Variants in ATXN2L observed in about 807,000 individuals in gnomAD.
ATXN2L encodes the protein ataxin-2-like protein.
Under a neutral mutation model 120.7 loss-of-function variants are expected in ATXN2L, and 24 were observed. The ratio of observed to expected loss-of-function variants is 0.20; its 90% CI spans 0.14 to 0.28. The LOEUF (loss-of-function observed/expected upper bound fraction) is 0.28, where lower values mean the gene tolerates loss of function less well. ATXN2L is among the 10% of genes least tolerant of loss of function. ATXN2L has a pLI of 1.00. For missense variants in ATXN2L, 1,312 were observed against 1,432.3 expected (o/e 0.92, Z 1.36); for synonymous variants, 653 against 568.1 (o/e 1.15, Z -2.13).
chr16:28,826,308 C>T lies in ATXN2L; in HGVS notation c.534C>T (p.Asp178=). ...CAGCAGGTGGCCCTCGTCGGGAGGACATTGTGGACACCATGGTGTTTAAGC... is the reference window on the plus strand; with the variant it reads ...CAGCAGGTGGCCCTCGTCGGGAGGATATTGTGGACACCATGGTGTTTAAGC... ...SEPAGGPRRE[D]IVDTMVFKPS... The change falls in exon 5 of 22, where the codon GAC becomes GAT. Residue 178 remains aspartate (D), a synonymous_variant. Transcript: ENST00000336783. The T allele has an allele frequency of 6.2e-7, 1 of 1,614,208 alleles. No homozygotes were observed. The highest frequency in any genetic ancestry group is 8.5e-7 in the Non-Finnish European group (1 of 1,180,026).
chr16:28,826,920 G>A lies in ATXN2L; in HGVS notation c.675G>A (p.Glu225=). The A allele has an allele frequency of 6.3e-7, 1 of 1,598,564 alleles. No individual in the cohort carries two copies. ...MNSKVNGEHK[E]KVLQRWEGGD... ...CGAAAGTGAATGGGGAACACAAAGAGAAGGTGCTTCAGCGCTGGGAGGGGG... is the reference window on the plus strand; with the variant it reads ...CGAAAGTGAATGGGGAACACAAAGAAAAGGTGCTTCAGCGCTGGGAGGGGG... The change falls in exon 6 of 22, where the codon GAG becomes GAA. Residue 225 remains glutamate (E), a synonymous_variant. Coordinates refer to ENST00000336783, the MANE Select transcript of ATXN2L (RefSeq NM_007245.4).
At position 28,835,922 on chromosome 16, in the gene ATXN2L, G is replaced by T; in HGVS notation, c.2896-11G>T. The T allele has an allele frequency of 6.5e-7, 1 of 1,547,606 alleles. No individual in the cohort carries two copies. Among genetic ancestry groups the T allele is most frequent in the South Asian group, 1.2e-5 (1 of 80,614 alleles). On this transcript the variant is annotated splice_polypyrimidine_tract_variant and intron_variant, in intron 21 of 21. Transcript: ENST00000336783. ...CTGTGGTCTTCCCGGCTACTTTTTT[G>T]TTTTCCACAGGCCCATGTCCAAACT...
chr16:28,830,078 A>G lies in ATXN2L; in HGVS notation c.1034+20A>G, dbSNP rs754669759. The G allele has an allele frequency of 2.5e-6, 4 of 1,600,538 alleles. No individual in the cohort carries two copies. Among genetic ancestry groups the G allele is most frequent in the Non-Finnish European group, 3.4e-6 (4 of 1,170,804 alleles). The stretch of plus-strand genomic sequence containing the variant: ...ATCCAGGTGACTGTTGCAAACAGCC[A>G]GGACTACTTGGGGCTTCTGGGAATA... On this transcript the variant is annotated intron_variant, in intron 8 of 21. Coordinates refer to ENST00000336783, the MANE Select transcript of ATXN2L (RefSeq NM_007245.4).
At chr16:28,824,293 G>C in intron 1 of ATXN2L, 1 of 1,178,516 alleles carries the variant, frequency 8.5e-7, no homozygotes, top group Non-Finnish European at 1.1e-6. Flanking sequence ...CTGTGCGAGT[G>C]TGTGTGTGTT....
Position 28,823,346 on chromosome 16 carries a change from G to T in ATXN2L, c.87G>T (p.Gly29=). The T allele has an allele frequency of 7.2e-7, 1 of 1,380,078 alleles. No individual in the cohort carries two copies. 85.5% of individuals were successfully genotyped at this position (1,380,078 alleles called of 1,614,324 possible). Residue 29 remains glycine, a synonymous_variant, in exon 1 of 22, where the codon GGG becomes GGT. Transcript: ENST00000336783. The part of the protein sequence containing the change: ...TQQAVARRPP[G]GTSPPNGGLP... The stretch of plus-strand genomic sequence containing the variant: ...AGGCCGTGGCCCGTCGGCCCCCCGG[G>T]GGCACCAGCCCTCCCAACGGCGGCC...
At chr16:28,830,540 A>G in intron 8 of ATXN2L, 75 bp from the exon 9 acceptor site, 2 of 1,406,316 alleles carry the variant, frequency 1.4e-6, no homozygotes, top group South Asian at 1.4e-5. Context: ...GGGAGACTTT[A>G]GAAGAAGAAA....
At position 28,834,808 on chromosome 16, in the gene ATXN2L, C is replaced by A. The variant is rs558157493; in HGVS notation, c.2433+115C>A. ...CAGGCAGTGTTGTAGGTGGGATCGGCCCTCTGTGGTATTGGCGGTGTCAGA... is the reference window on the plus strand; with the variant it reads ...CAGGCAGTGTTGTAGGTGGGATCGGACCTCTGTGGTATTGGCGGTGTCAGA... On this transcript the variant is annotated intron_variant, in intron 18 of 21. Transcript: ENST00000336783. 12 of 1,312,840 alleles carry A rather than the reference C, an allele frequency of 9.1e-6. No homozygotes were observed. The South Asian group carries it at 1.7e-4, about 19-fold the overall frequency. 81.3% of individuals were successfully genotyped at this position (1,312,840 alleles called of 1,614,324 possible). A position where few individuals can be genotyped will look rare whatever the true frequency, so the allele number is the denominator to read the frequency against.
intron 21 of ATXN2L, 23 bp from the exon 22 acceptor site, chr16:28,835,910 G>A (rs773972309): frequency 1.4e-5 from 22 of 1,549,346 alleles, no homozygotes; most frequent in Admixed American, 9.6e-5. Context: ...TGGTCTTCCC[G>A]GCTACTTTTT....
intron 1 of ATXN2L, chr16:28,824,576 G>A: frequency 7.8e-7 from 1 of 1,278,724 alleles, no homozygotes; most frequent in Non-Finnish European, 1.0e-6. Context: ...ATGAGGTCGA[G>A]GGGATGGGGT....
chr16:28,825,370 C>G lies in ATXN2L; in HGVS notation c.304C>G (p.Gln102Glu). 1 of 1,613,852 alleles carries G rather than the reference C, an allele frequency of 6.2e-7. No individual in the cohort carries two copies. The highest frequency in any genetic ancestry group is 8.5e-7 in the Non-Finnish European group (1 of 1,179,894). Residue 102 changes from glutamine (Q) to glutamate (E), a missense_variant, in exon 2 of 22, where the codon CAG becomes GAG. Coordinates refer to ENST00000336783, the MANE Select transcript of ATXN2L (RefSeq NM_007245.4). The stretch of plus-strand genomic sequence containing the variant: ...ATTTCTTGTTTTCTTTTATAGGGGA[C>G]AGAGCACAGGAAAGGGACCCCCACA... ...GAAAIGSARG[Q>E]STGKGPPQSP...
rs1186033446 is a variant in ATXN2L at position 28,834,747 on chromosome 16, A to G, written c.2433+54A>G. The G allele has an allele frequency of 3.2e-6, 5 of 1,542,048 alleles. No homozygotes were observed. The African/African-American group carries it at 6.9e-5, about 21-fold the overall frequency. On this transcript the variant is annotated intron_variant, in intron 18 of 21. Coordinates refer to ENST00000336783, the MANE Select transcript of ATXN2L (RefSeq NM_007245.4). ...ATCCAGGGCCCCTGCTAGGGATCCC[A>G]TCTTCTCCAGAGACTTGGGAGCTGG...
chr16:28,835,639 C>T lies in ATXN2L; in HGVS notation c.2776C>T (p.Leu926=), dbSNP rs1960265540. 1.9e-6 allele frequency: 3 copies of T among 1,613,972 alleles called. No individual in the cohort carries two copies. Among genetic ancestry groups the T allele is most frequent in the African/African-American group, 2.7e-5 (2 of 74,902 alleles). The stretch of plus-strand genomic sequence containing the variant: ...GGCCCTGACAGGCACGCCGCCCTCT[C>T]TGCCACCGGGACCTTCTGCCCAGTC... ...PGALTGTPPS[L]PPGPSAQSPQ... Residue 926 remains leucine (L), a synonymous_variant, in exon 21 of 22, where the codon CTG becomes TTG. Coordinates refer to ENST00000336783, the MANE Select transcript of ATXN2L (RefSeq NM_007245.4).
In ATXN2L at chr16:28,825,748, CTT is replaced by C; in HGVS notation, c.394-21_394-20del. On this transcript the variant is annotated intron_variant, in intron 3 of 21. Coordinates refer to ENST00000336783, the MANE Select transcript of ATXN2L (RefSeq NM_007245.4). ...GCATCTACTTTCTGGAGACACTCTTCTTATTTTTCCCACTCTGCCAGGGCTCC... is the reference window on the plus strand; with the variant it reads ...GCATCTACTTTCTGGAGACACTCTTCATTTTTCCCACTCTGCCAGGGCTCC... 1 of 1,613,858 alleles carries C rather than the reference CTT, an allele frequency of 6.2e-7. No homozygotes were observed. Among genetic ancestry groups the C allele is most frequent in the South Asian group, 1.1e-5 (1 of 91,084 alleles).
Position 28,829,476 on chromosome 16 carries a change from A to G in ATXN2L, c.817A>G (p.Ser273Gly). 1 of 1,608,218 alleles carries G rather than the reference A, an allele frequency of 6.2e-7. No homozygotes were observed. The highest frequency in any genetic ancestry group is 8.5e-7 in the Non-Finnish European group (1 of 1,174,658). Residue 273 changes from serine (S) to glycine (G), a missense_variant, in exon 7 of 22, where the codon AGT becomes GGT. Transcript: ENST00000336783. ...NYGVKTTYDS[S>G]LSSYTVPLEK... ...CGGTGTGAAGACTACCTATGATAGC[A>G]GTCTTTCTTCTTATACGTGAGTATC...
In ATXN2L at chr16:28,836,969, G is replaced by A; in HGVS notation, c.*704G>A. On this transcript the variant is annotated 3_prime_UTR_variant, in exon 22 of 22. Coordinates refer to ENST00000336783, the MANE Select transcript of ATXN2L (RefSeq NM_007245.4). ...AGGGCCAGGGTCCAGCAGGGGTGGG[G>A]GGTTCCTGCTCTGCCCCTGCCCGTC... 1.5e-6 allele frequency: 1 copy of A among 685,736 alleles called. No homozygotes were observed. The highest frequency in any genetic ancestry group is 2.8e-5 in the East Asian group (1 of 36,362). 42.5% of individuals were successfully genotyped at this position (685,736 alleles called of 1,614,324 possible). A position where few individuals can be genotyped will look rare whatever the true frequency, so the allele number is the denominator to read the frequency against.
intron 6 of ATXN2L, among the ~76,000 whole-genome samples, chr16:28,828,447 G>A (rs761220148): frequency 7.2e-5 from 11 of 152,048 alleles, no homozygotes; most frequent in South Asian, 2.1e-4. Context: ...TTAGCTGGGC[G>A]TGGTGGCACA....
chr16:28,831,968 C>G (rs2054637173), intron 10 of ATXN2L, among the ~76,000 whole-genome samples: 1 of 152,194 alleles, frequency 6.6e-6, no homozygotes, highest in South Asian at 2.1e-4. Flanking sequence ...GCTTGCCTTG[C>G]TGCGTAGCTT....
At position 28,835,633 on chromosome 16, in the gene ATXN2L, C is replaced by T; in HGVS notation, c.2770C>T (p.Pro924Ser). The change falls in exon 21 of 22, where the codon CCC becomes TCC. Residue 924 changes from proline to serine, a missense_variant. By Grantham distance (74) the Pro-to-Ser change is moderately conservative. Transcript: ENST00000336783. ...YHPGALTGTP[P>S]SLPPGPSAQS... ...CCCAGGGGCCCTGACAGGCACGCCGCCCTCTCTGCCACCGGGACCTTCTGC... is the reference window on the plus strand; with the variant it reads ...CCCAGGGGCCCTGACAGGCACGCCGTCCTCTCTGCCACCGGGACCTTCTGC... The T allele has an allele frequency of 1.2e-6, 2 of 1,614,074 alleles. No homozygotes were observed. The highest frequency in any genetic ancestry group is 1.7e-6 in the Non-Finnish European group (2 of 1,179,996).
At chr16:28,833,781 G>A (rs1272758263) in intron 15 of ATXN2L, 1 of 609,638 alleles carries the variant, frequency 1.6e-6, no homozygotes. Flanking sequence ...GCATTTGGCT[G>A]AGGGAGTATT....
Sources: allele counts gnomAD v4.1 joint callset (sites outside exome capture counted in the v4.1 genomes callset), GRCh38; gene constraint gnomAD v4.1.1; transcripts MANE v1.5; gene names NCBI Gene and HGNC (gene_info 2026-07-23, HGNC 2026-07-21).